The following CLSTN1 variants were observed in gnomAD, a reference collection of about 807,000 sequenced individuals.
CLSTN1 encodes calsyntenin 1.
A neutral mutation model predicts 108.3 loss-of-function variants in CLSTN1; 28 were observed. That is an observed-to-expected ratio of 0.26 (90% CI 0.19 to 0.35). The LOEUF (loss-of-function observed/expected upper bound fraction) is 0.35, where lower values mean the gene tolerates loss of function less well. Among genes scored for constraint, CLSTN1 ranks in the 10% least tolerant of loss-of-function variants. CLSTN1 has a pLI of 1.00. For synonymous variants in CLSTN1, 524 were observed against 534.9 expected, an observed-to-expected ratio of 0.98 and a Z score of 0.28; for missense variants, 1,157 against 1,302.6, an observed-to-expected ratio of 0.89 and a Z score of 1.72.
intron 16 of CLSTN1, among the ~76,000 whole-genome samples, 198 bp downstream of exon 16, chr1:9,733,203 A>G (rs1351570861): frequency 1.3e-5 from 2 of 152,100 alleles, no homozygotes; most frequent in South Asian, 2.1e-4. Flanking sequence ...AGCTCACCCC[A>G]AACACAACTT....
intron 4 of CLSTN1, among the ~76,000 whole-genome samples, chr1:9,752,605 C>T (rs1651605850): frequency 6.6e-6 from 1 of 152,068 alleles, no homozygotes; most frequent in South Asian, 2.1e-4. Flanking sequence ...GTGGCTCACA[C>T]CTATCCCAGC....
upstream of CLSTN1, chr1:9,824,272 C>G (rs1655325538): frequency 6.6e-6 from 1 of 151,824 alleles, no homozygotes; most frequent in Non-Finnish European, 1.5e-5. This position sits in a 1 kb window ranked among gnomAD's most constrained non-coding sequence, Gnocchi z 5.0. Context: ...AGATGGAGAG[C>G]CTCAACTCCG....
In CLSTN1 at chr1:9,730,501, G is replaced by A. The variant is rs1177881293; in HGVS notation, c.*7C>T. ...AAAGCAGAAACCGAGGTGGCCGGGG[G>A]CACGGGTCAGTAGCTGAGGGTGGAG... On this transcript the variant is annotated 3_prime_UTR_variant, in exon 19 of 19. Coordinates refer to ENST00000377298, the MANE Select transcript of CLSTN1 (RefSeq NM_001009566.3). The surrounding 1 kb of genome is among the most constrained non-coding windows in gnomAD (Gnocchi z 5.6). 4 of 1,601,262 alleles carry A rather than the reference G, an allele frequency of 2.5e-6. No individual in the cohort carries two copies. Among genetic ancestry groups the A allele is most frequent in the Non-Finnish European group, 3.4e-6 (4 of 1,179,498 alleles).
rs137889862 is a variant in CLSTN1 at position 9,735,981 on chromosome 1, G to A, written c.1638C>T (p.Ser546=). The A allele has an allele frequency of 2.7e-5, 44 of 1,614,062 alleles. No homozygotes were observed. The highest frequency in any genetic ancestry group is 1.6e-4 in the Middle Eastern group (1 of 6,084). ...RGNLAGLTLR[S]GKLADKKVID... ...TCACCTTCTTATCCGCGAGTTTCCC[G>A]GAACGGAGAGTTAAGCCAGCCAGAT... Residue 546 remains serine (S), a synonymous_variant, in exon 12 of 19, where the codon TCC becomes TCT. Coordinates refer to ENST00000377298, the MANE Select transcript of CLSTN1 (RefSeq NM_001009566.3).
chr1:9,777,664 G>T (rs1653022212), intron 1 of CLSTN1, among the ~76,000 whole-genome samples: 2 of 151,926 alleles, frequency 1.3e-5, no homozygotes. Context: ...AAGAAGAGTG[G>T]CAACAGTTTT....
In CLSTN1 at chr1:9,819,177, G is replaced by A. The variant is rs71643072; in HGVS notation, c.91+4466C>T. On this transcript the variant is annotated intron_variant, in intron 1 of 18. Transcript: ENST00000377298. ...CTAAGCCCTCAACCAGAATACATAAGAAATAGACTCTTGGCGGTTTTTTAG... is the reference window on the plus strand; with the variant it reads ...CTAAGCCCTCAACCAGAATACATAAAAAATAGACTCTTGGCGGTTTTTTAG... 2.2e-3 allele frequency among the ~76,000 whole-genome samples: 330 copies of A among 152,154 alleles called. 3 individuals carry two copies. The highest frequency in any genetic ancestry group is 7.6e-3 in the African/African-American group (317 of 41,514).
At chr1:9,780,544 A>C (rs1323629818) in intron 1 of CLSTN1, among the ~76,000 whole-genome samples, 1 of 152,224 alleles carries the variant, frequency 6.6e-6, no homozygotes, top group African/African-American at 2.4e-5. Context: ...AAATTTTCTA[A>C]ATCGCTCTTA....
intron 2 of CLSTN1, among the ~76,000 whole-genome samples, chr1:9,764,966 G>T (rs149842080): frequency 6.6e-6 from 1 of 152,010 alleles, no homozygotes; most frequent in Non-Finnish European, 1.5e-5. Flanking sequence ...AGTCAATCAC[G>T]GTTAATAAGA....
intron 10 of CLSTN1, among the ~76,000 whole-genome samples, chr1:9,740,813 C>A (rs1051159913): frequency 1.3e-5 from 2 of 152,160 alleles, no homozygotes; most frequent in African/African-American, 2.4e-5. Flanking sequence ...CAGTTCCCCC[C>A]ACTACACGCT....
rs139466878 is a variant in CLSTN1, at chr1:9,791,141, C to CAA, written c.92-17749_92-17748dup. Among the ~76,000 whole-genome samples the CAA allele has an allele frequency of 2.6e-3, 191 of 73,936 alleles. 2 individuals carry two copies. In the East Asian group the frequency reaches 0.04, roughly 16 times the overall value. The allele number at this position is 73,936 out of a possible 152,430, so 48.5% of individuals were successfully genotyped here. ...TGGGCAACAGAGTGAGACTCTATCTCAAAAAAAAAAAAAAAAAAAAAGATG... is the reference window on the plus strand; with the variant it reads ...TGGGCAACAGAGTGAGACTCTATCTCAAAAAAAAAAAAAAAAAAAAAAAGATG... On this transcript the variant is annotated intron_variant, in intron 1 of 18. Coordinates refer to ENST00000377298, the MANE Select transcript of CLSTN1 (RefSeq NM_001009566.3).
chr1:9,774,334 C>T lies in CLSTN1; in HGVS notation c.92-940G>A, dbSNP rs149439697. 4.3e-3 allele frequency among the ~76,000 whole-genome samples: 660 copies of T among 151,994 alleles called. 11 individuals are homozygous for T. Among genetic ancestry groups the T allele is most frequent in the East Asian group, 0.043 (221 of 5,166 alleles). On this transcript the variant is annotated intron_variant, in intron 1 of 18. Coordinates refer to ENST00000377298, the MANE Select transcript of CLSTN1 (RefSeq NM_001009566.3). ...TAATCCCAGCACTTTGGGAGGCTGA[C>T]GAGGGCGGATCACCTGAGGTCAGGA...
chr1:9,793,022 T>A (rs567487590), intron 1 of CLSTN1, among the ~76,000 whole-genome samples: 2 of 151,300 alleles, frequency 1.3e-5, no homozygotes, highest in African/African-American at 4.8e-5. Context: ...TCCCTTTTTT[T>A]TTCTTTTGAG....
chr1:9,824,119 A>AGCGCGCGCGGCGGACCCGGCAGCGG (rs1655315931), upstream of CLSTN1: 3 of 135,898 alleles, frequency 2.2e-5, no homozygotes, highest in Non-Finnish European at 4.8e-5. This position sits in a 1 kb window ranked among gnomAD's most constrained non-coding sequence, Gnocchi z 5.0. Context: ...GAGCGGAGGG[A>AGCGCGCGCGGCGGACCCGGCAGCGG]GCGCGCGCGG....
intron 1 of CLSTN1, among the ~76,000 whole-genome samples, chr1:9,777,801 G>T (rs1653029843): frequency 6.6e-6 from 1 of 152,106 alleles, no homozygotes; most frequent in Non-Finnish European, 1.5e-5. Context: ...ATGCCACAGT[G>T]CAGCCTAAGA....
At chr1:9,736,643 A>C (rs1449466078) in intron 11 of CLSTN1, among the ~76,000 whole-genome samples, 2 of 152,230 alleles carry the variant, frequency 1.3e-5, no homozygotes, top group Non-Finnish European at 2.9e-5. Flanking sequence ...GACAGATGAC[A>C]ACAAAGAGCC....
intron 15 of CLSTN1, 96 bp downstream of exon 15, chr1:9,733,874 ACT>A (rs1650538455): frequency 7.8e-7 from 1 of 1,288,918 alleles, no homozygotes; most frequent in East Asian, 2.3e-5. Context: ...CTCTAAGATA[ACT>A]CAACATTCTC....
chr1:9,820,627 C>T (rs1460428659), intron 1 of CLSTN1, among the ~76,000 whole-genome samples: 1 of 152,116 alleles, frequency 6.6e-6, no homozygotes, highest in East Asian at 1.9e-4. Context: ...AAAGCTACTA[C>T]GCTGTCTAAA....
chr1:9,790,379 G>A (rs1461559105), intron 1 of CLSTN1, among the ~76,000 whole-genome samples: 1 of 151,318 alleles, frequency 6.6e-6, no homozygotes, highest in Non-Finnish European at 1.5e-5. Context: ...TGCTATTTCG[G>A]CATTAATTGG....
intron 15 of CLSTN1, 115 bp from the exon 16 acceptor site, chr1:9,733,661 G>A (rs1650526856): frequency 3.2e-6 from 4 of 1,263,734 alleles, no homozygotes; most frequent in Admixed American, 2.0e-5. Context: ...CTAGGCCAAG[G>A]GGTCACACAA....
Sources: gnomAD v4.1 joint callset for allele counts (sites outside exome capture counted in the v4.1 genomes callset) on GRCh38, gnomAD v4.1.1 for gene constraint, Gnocchi (gnomAD v3.1) non-coding constraint, MANE v1.5 for transcripts, NCBI Gene and HGNC (gene_info 2026-07-23, HGNC 2026-07-21) for gene names.